UBAC1: variants seen among roughly 807,000 people sequenced by gnomAD.
UBAC1 encodes ubiquitin-associated domain-containing protein 1.
UBAC1 carries 27 observed loss-of-function variants against 45.9 expected under a neutral mutation model. The observed-to-expected ratio is 0.59, with a 90% CI of 0.43 to 0.81. UBAC1 has a LOEUF of 0.81. UBAC1 is among the 30% of genes least tolerant of loss of function. UBAC1 has a pLI of 0.00. For missense variants in UBAC1, 529 were observed against 539.2 expected (o/e 0.98, Z 0.19); for synonymous variants, 227 against 215.5 (o/e 1.05, Z -0.47).
At chr9:135,948,024 T>G (rs1839359104) in intron 3 of UBAC1, 119 bp from the exon 4 acceptor site, 1 of 900,176 alleles carries the variant, frequency 1.1e-6, no homozygotes, top group Non-Finnish European at 1.7e-6. Context: ...GAGCCAGAGG[T>G]GTAAACTCCT....
chr9:135,954,235 C>G (rs1588536089), intron 2 of UBAC1, among the ~76,000 whole-genome samples: 2 of 151,908 alleles, frequency 1.3e-5, no homozygotes, highest in South Asian at 4.2e-4. Context: ...CACTTGAGCC[C>G]AGGAGTTCAA....
chr9:135,959,336 C>T (rs1222463674), intron 1 of UBAC1, among the ~76,000 whole-genome samples: 1 of 93,518 alleles, frequency 1.1e-5, no homozygotes, highest in Non-Finnish European at 3.0e-5. Context: ...GAGGACACAG[C>T]AGCACCTCAG....
At chr9:135,937,670 T>C (rs986692102) in intron 9 of UBAC1, among the ~76,000 whole-genome samples, 5 of 152,024 alleles carry the variant, frequency 3.3e-5, no homozygotes, top group African/African-American at 9.7e-5. Flanking sequence ...AGCAGAGAGG[T>C]AAGCCGCGGC....
intron 3 of UBAC1, among the ~76,000 whole-genome samples, chr9:135,952,576 C>T (rs1004920101): frequency 2.8e-4 from 43 of 152,222 alleles, no homozygotes; most frequent in African/African-American, 8.9e-4. Context: ...TGCAAGTGGA[C>T]GGTGCAGACC....
At chr9:135,936,873 A>T (rs537639885) in intron 9 of UBAC1, among the ~76,000 whole-genome samples, 1 of 152,346 alleles carries the variant, frequency 6.6e-6, no homozygotes, top group Admixed American at 6.5e-5. Flanking sequence ...GATTCTGCCC[A>T]TCAGTGTGAG....
intron 7 of UBAC1, among the ~76,000 whole-genome samples, chr9:135,941,985 G>A (rs1015489501): frequency 2.6e-5 from 4 of 152,238 alleles, no homozygotes; most frequent in Non-Finnish European, 5.9e-5. Flanking sequence ...TGACCACCTT[G>A]TGATGATTTT....
At chr9:135,944,517 C>A (rs938158962) in intron 7 of UBAC1, among the ~76,000 whole-genome samples, 1 of 152,152 alleles carries the variant, frequency 6.6e-6, no homozygotes, top group Non-Finnish European at 1.5e-5. Context: ...GGAGATGAGG[C>A]GCGGGCGAGG....
chr9:135,954,445 A>G (rs576330645), intron 2 of UBAC1, among the ~76,000 whole-genome samples: 1 of 152,262 alleles, frequency 6.6e-6, no homozygotes, highest in African/African-American at 2.4e-5. Context: ...CCCTGTCTCA[A>G]AAGAGCATGG....
At chr9:135,944,961 T>A in intron 7 of UBAC1, 67 bp downstream of exon 7, 1 of 1,494,948 alleles carries the variant, frequency 6.7e-7, no homozygotes, top group Middle Eastern at 1.8e-4. Flanking sequence ...CCCAGCTTCC[T>A]TTCCATGGCG....
At chr9:135,939,376 C>T (rs1054145671) in intron 8 of UBAC1, among the ~76,000 whole-genome samples, 10 of 152,150 alleles carry the variant, frequency 6.6e-5, no homozygotes, top group Non-Finnish European at 1.2e-4. Context: ...TGAAAGTAGG[C>T]AAACACACGG....
intron 7 of UBAC1, 140 bp from the exon 8 acceptor site, chr9:135,939,899 C>A (rs935702542): frequency 7.3e-6 from 5 of 682,564 alleles, no homozygotes; most frequent in African/African-American, 7.1e-5. Flanking sequence ...CGTCCACGTT[C>A]TTTCCTCACA....
In UBAC1 at chr9:135,961,017, G is replaced by A. The variant is rs538208249; in HGVS notation, c.138+8C>T. 8.7e-5 allele frequency: 135 copies of A among 1,548,038 alleles called. 1 individual carries two copies. In the South Asian group the frequency reaches 1.5e-3, roughly 17 times the overall value. On this transcript the variant is annotated splice_region_variant and intron_variant, in intron 1 of 9. Coordinates refer to ENST00000371756, the MANE Select transcript of UBAC1 (RefSeq NM_016172.3). ...GTGTTGGGGGCAGGGGAGGGGGCCC[G>A]GCCTTACGTGCTTGAGGCAGCGCTC... is the stretch of plus-strand genomic sequence containing the variant.
intron 1 of UBAC1, among the ~76,000 whole-genome samples, chr9:135,959,195 G>A (rs1382130529): frequency 6.6e-6 from 1 of 152,166 alleles, no homozygotes; most frequent in Non-Finnish European, 1.5e-5. Flanking sequence ...CCATGTCGAT[G>A]CAGTGTGGGG....
intron 3 of UBAC1, among the ~76,000 whole-genome samples, chr9:135,950,397 A>T (rs563892383): frequency 2.0e-5 from 3 of 152,242 alleles, no homozygotes; most frequent in Non-Finnish European, 2.9e-5. Flanking sequence ...AGGGATCTGG[A>T]GGGAGGGAAC....
chr9:135,941,861 A>G (rs1022104420), intron 7 of UBAC1, among the ~76,000 whole-genome samples: 1 of 152,204 alleles, frequency 6.6e-6, no homozygotes, highest in East Asian at 1.9e-4. Flanking sequence ...GAGCTCTCCA[A>G]TCCTTTCTCA....
chr9:135,945,070 G>C lies in UBAC1; in HGVS notation c.834C>G (p.Phe278Leu). ...EEARDELTEI[F>L]KKIRRKREFR... The stretch of plus-strand genomic sequence containing the variant: ...ACTCCCTTTTCCTCCGGATCTTCTT[G>C]AAGATTTCCGTCAGCTCATCTCTGG... Residue 278 changes from phenylalanine to leucine, a missense_variant, in exon 7 of 10, where the codon TTC becomes TTG. By Grantham distance (22) the Phe-to-Leu change is conservative. Transcript: ENST00000371756. The C allele has an allele frequency of 6.2e-7, 1 of 1,613,556 alleles. No individual in the cohort carries two copies. The highest frequency in any genetic ancestry group is 8.5e-7 in the Non-Finnish European group (1 of 1,179,780).
intron 3 of UBAC1, among the ~76,000 whole-genome samples, chr9:135,948,352 C>T (rs986328530): frequency 2.6e-5 from 4 of 152,228 alleles, no homozygotes; most frequent in Non-Finnish European, 5.9e-5. Context: ...GGAACAGAAC[C>T]GGAAGAGTGA....
rs1588528140 is a variant in UBAC1 at position 135,933,160 on chromosome 9, C to T, written c.*240G>A. The T allele has an allele frequency of 6.0e-6, 3 of 498,806 alleles. No individual in the cohort carries two copies. The highest frequency in any genetic ancestry group is 1.9e-5 in the African/African-American group (1 of 51,604). The allele number at this position is 498,806 out of a possible 1,614,324, so 30.9% of individuals were successfully genotyped here. A position where few individuals can be genotyped will look rare whatever the true frequency, so the allele number is the denominator to read the frequency against. On this transcript the variant is annotated 3_prime_UTR_variant, in exon 10 of 10. Coordinates refer to ENST00000371756, the MANE Select transcript of UBAC1 (RefSeq NM_016172.3). ...CACTGGAGACGAGGCCATCACTCCACTTCCCAGTGCGACAACCACTTTTTT... is the reference window on the plus strand; with the variant it reads ...CACTGGAGACGAGGCCATCACTCCATTTCCCAGTGCGACAACCACTTTTTT...
intron 8 of UBAC1, among the ~76,000 whole-genome samples, chr9:135,939,375 G>A (rs1588530682): frequency 6.6e-6 from 1 of 152,094 alleles, no homozygotes; most frequent in African/African-American, 2.4e-5. Context: ...GTGAAAGTAG[G>A]CAAACACACG....
Sources: allele counts gnomAD v4.1 joint callset (sites outside exome capture counted in the v4.1 genomes callset), GRCh38; gene constraint gnomAD v4.1.1; transcripts MANE v1.5; gene names NCBI Gene and HGNC (gene_info 2026-07-23, HGNC 2026-07-21).